The following GRIN2D variants were observed in gnomAD, a reference collection of about 807,000 sequenced individuals.
GRIN2D encodes the protein glutamate ionotropic receptor NMDA type subunit 2D, also known as glutamate receptor ionotropic, NMDA 2D.
GRIN2D carries 37 observed loss-of-function variants against 103.2 expected under a neutral mutation model. That is an observed-to-expected ratio of 0.36 (90% CI 0.28 to 0.47). The LOEUF is 0.47. Ranked by LOEUF, GRIN2D falls within the 20% of genes least tolerant of loss-of-function variation. The pLI, the probability that GRIN2D is intolerant of heterozygous loss-of-function variation, is 1.00. For synonymous variants in GRIN2D, 845 were observed against 885.6 expected, an observed-to-expected ratio of 0.95 and a Z score of 0.81; for missense variants, 1,557 against 1,910.6, an observed-to-expected ratio of 0.81 and a Z score of 3.45.
At chr19:48,425,909 C>T (rs76787232) in intron 11 of GRIN2D, among the ~76,000 whole-genome samples, 2,654 of 152,128 alleles carry the variant, frequency 0.017, 70 homozygotes, top group African/African-American at 0.06. Context: ...TGGTGAATTT[C>T]CCGGCTTCTC....
Position 48,414,163 on chromosome 19 carries a change from C to T in GRIN2D, c.1200+58C>T. On this transcript the variant is annotated intron_variant, in intron 5 of 13. Coordinates refer to ENST00000263269, the MANE Select transcript of GRIN2D (RefSeq NM_000836.4). The surrounding 1 kb of genome is among the most constrained non-coding windows in gnomAD (Gnocchi z 4.6). Reference sequence around the variant, plus strand: ...GAGGGTGTGGACTCCTGCATCCTGGCAGAGGGGGGGCTTGAGGTCGTGGAC... The same window carrying T: ...GAGGGTGTGGACTCCTGCATCCTGGTAGAGGGGGGGCTTGAGGTCGTGGAC... 1 of 1,099,540 alleles carries T rather than the reference C, an allele frequency of 9.1e-7. No individual in the cohort carries two copies. Among genetic ancestry groups the T allele is most frequent in the Non-Finnish European group, 1.4e-6 (1 of 719,828 alleles). 68.1% of individuals were successfully genotyped at this position (1,099,540 alleles called of 1,614,324 possible). A position where few individuals can be genotyped will look rare whatever the true frequency, so the allele number is the denominator to read the frequency against.
chr19:48,412,477 GAA>G (rs1569063275), intron 4 of GRIN2D, among the ~76,000 whole-genome samples: 63 of 149,832 alleles, frequency 4.2e-4, no homozygotes, highest in African/African-American at 1.2e-3. Context: ...AAGAAAGAAA[GAA>G]AGAGAGAGAA....
In GRIN2D at chr19:48,442,762, A is replaced by G; in HGVS notation, c.2836A>G (p.Thr946Ala). The G allele has an allele frequency of 9.3e-7, 1 of 1,075,674 alleles. No individual in the cohort carries two copies. 66.6% of individuals were successfully genotyped at this position (1,075,674 alleles called of 1,614,324 possible). A position where few individuals can be genotyped will look rare whatever the true frequency, so the allele number is the denominator to read the frequency against. ...ERASVDRWRR[T>A]KGAGPPGGAG... ...CGCCTCAGTGGACCGCTGGCGCCGG[A>G]CCAAGGGCGCGGGGCCGCCGGGGGG... The change falls in exon 14 of 14, where the codon ACC becomes GCC. Residue 946 changes from threonine to alanine, a missense_variant. Around this residue, in one of 7 missense-constraint regions of GRIN2D, gnomAD observed 632 missense variants for 572.8 expected, o/e 1.10. Transcript: ENST00000263269. This position sits in a 1 kb window ranked among gnomAD's most constrained non-coding sequence, Gnocchi z 7.2.
At chr19:48,423,114 G>A (rs1971042881) in intron 11 of GRIN2D, among the ~76,000 whole-genome samples, 1 of 152,154 alleles carries the variant, frequency 6.6e-6, no homozygotes, top group Admixed American at 6.6e-5. Flanking sequence ...GGGAGGCTGA[G>A]GCAGGAGGAT....
chr19:48,432,222 CTT>C (rs1006061692), intron 11 of GRIN2D, among the ~76,000 whole-genome samples: 77 of 137,602 alleles, frequency 5.6e-4, no homozygotes, highest in Admixed American at 8.0e-4. Flanking sequence ...CTTTTTCTTT[CTT>C]TTTTTTTTTT....
intron 11 of GRIN2D, among the ~76,000 whole-genome samples, chr19:48,435,296 G>GT (rs766061537): frequency 0.93 from 113,386 of 121,590 alleles, 53,573 homozygotes; most frequent in Non-Finnish European, 0.98. Flanking sequence ...TCAGCCACTT[G>GT]TTTTTTTTTT....
chr19:48,427,478 T>C (rs932175888), intron 11 of GRIN2D, among the ~76,000 whole-genome samples: 219 of 110,488 alleles, frequency 2.0e-3, no homozygotes, highest in Non-Finnish European at 2.5e-3. Flanking sequence ...TTTTCTTTTT[T>C]TTTTTTTTTT....
In GRIN2D at chr19:48,419,960, G is replaced by A. The variant is rs928600971; in HGVS notation, c.2091+146G>A. 7 of 570,926 alleles carry A rather than the reference G, an allele frequency of 1.2e-5. No homozygotes were observed. In the African/African-American group the frequency reaches 1.3e-4, roughly 11 times the overall value. The allele number at this position is 570,926 out of a possible 1,614,324, so 35.4% of individuals were successfully genotyped here. A position where few individuals can be genotyped will look rare whatever the true frequency, so the allele number is the denominator to read the frequency against. On this transcript the variant is annotated intron_variant, in intron 10 of 13. Transcript: ENST00000263269. ...GCGGGAAGGGGTCTCTTCCCAAGGA[G>A]AATTCCAGAATGGTAGAATGGAATG...
chr19:48,425,517 C>T (rs1338921009), intron 11 of GRIN2D, among the ~76,000 whole-genome samples: 1 of 152,222 alleles, frequency 6.6e-6, no homozygotes, highest in Non-Finnish European at 1.5e-5. Flanking sequence ...GCTGGGATTA[C>T]AGGCGTGAGC....
intron 10 of GRIN2D, 80 bp downstream of exon 10, chr19:48,419,894 G>A: frequency 4.7e-6 from 1 of 212,910 alleles, no homozygotes. Flanking sequence ...AGATTAGAGG[G>A]GATTCTTGCG....
In GRIN2D at chr19:48,443,669, C is replaced by T. The variant is rs1335157311; in HGVS notation, c.3743C>T (p.Pro1248Leu). 3 of 1,196,178 alleles carry T rather than the reference C, an allele frequency of 2.5e-6. 1 individual carries two copies. Among genetic ancestry groups the T allele is most frequent in the South Asian group, 6.8e-5 (2 of 29,582 alleles). 74.1% of individuals were successfully genotyped at this position (1,196,178 alleles called of 1,614,324 possible). The change falls in exon 14 of 14, where the codon CCC becomes CTC. Residue 1248 changes from proline (P) to leucine (L), a missense_variant. Coordinates refer to ENST00000263269, the MANE Select transcript of GRIN2D (RefSeq NM_000836.4). This position sits in a 1 kb window ranked among gnomAD's most constrained non-coding sequence, Gnocchi z 8.9. ...CACCGCACGCCCGCCGCCGCCGCGCCCCACCACCACAGGCACCGGCGCGCC... is the reference window on the plus strand; with the variant it reads ...CACCGCACGCCCGCCGCCGCCGCGCTCCACCACCACAGGCACCGGCGCGCC... ...ASHRTPAAAA[P>L]HHHRHRRAAG... is the part of the protein sequence containing the mutation.
At chr19:48,436,688 G>A (rs1296183024) in intron 11 of GRIN2D, among the ~76,000 whole-genome samples, 1 of 152,238 alleles carries the variant, frequency 6.6e-6, no homozygotes, top group Non-Finnish European at 1.5e-5. Flanking sequence ...TTAGAAGCAA[G>A]ATGGAGTCAG....
chr19:48,394,390 C>T lies in GRIN2D; in HGVS notation c.-305-268C>T, dbSNP rs562249116. ...AGCAGGCAATCTCCCGCTCCTCACA[C>T]GCACACACCAGCCACTAGCTTCAGA... On this transcript the variant is annotated intron_variant, in intron 1 of 13. Transcript: ENST00000263269. This position sits in a 1 kb window ranked among gnomAD's most constrained non-coding sequence, Gnocchi z 5.1. 1.5e-4 allele frequency among the ~76,000 whole-genome samples: 22 copies of T among 149,388 alleles called. 1 individual carries two copies. In the South Asian group the frequency reaches 2.5e-3, roughly 17 times the overall value.
Position 48,442,954 on chromosome 19 carries a change from A to G in GRIN2D, c.3028A>G (p.Ile1010Val). 8.8e-7 allele frequency: 1 copy of G among 1,142,412 alleles called. No homozygotes were observed. The highest frequency in any genetic ancestry group is 1.1e-6 in the Non-Finnish European group (1 of 921,482). The allele number at this position is 1,142,412 out of a possible 1,614,324, so 70.8% of individuals were successfully genotyped here. A position where few individuals can be genotyped will look rare whatever the true frequency, so the allele number is the denominator to read the frequency against. ...GAAGCCGCCGCCCTCCTATTTCGCCATCGTACGCGACAAGGAGCCAGCCGA... is the reference window on the plus strand; with the variant it reads ...GAAGCCGCCGCCCTCCTATTTCGCCGTCGTACGCGACAAGGAGCCAGCCGA... ...PQKPPPSYFAIVRDKEPAEPP... is the reference protein window; with the variant it reads ...PQKPPPSYFAVVRDKEPAEPP... The change falls in exon 14 of 14, where the codon ATC (isoleucine) becomes GTC (valine). Residue 1010 changes from isoleucine (I) to valine (V), a missense_variant. By Grantham distance (29) the Ile-to-Val change is conservative (BLOSUM62 3). Around this residue, in one of 7 missense-constraint regions of GRIN2D, gnomAD observed 632 missense variants for 572.8 expected, o/e 1.10. Transcript: ENST00000263269. The surrounding 1 kb of genome is among the most constrained non-coding windows in gnomAD (Gnocchi z 7.2).
chr19:48,436,364 G>A (rs1971230286), intron 11 of GRIN2D, among the ~76,000 whole-genome samples: 1 of 152,118 alleles, frequency 6.6e-6, no homozygotes, highest in Non-Finnish European at 1.5e-5. Context: ...CAGATTACCA[G>A]TCTGGGTGGC....
At chr19:48,402,166 A>AAGAG (rs531796512) in intron 3 of GRIN2D, among the ~76,000 whole-genome samples, 9,746 of 79,598 alleles carry the variant, frequency 0.12, 619 homozygotes, top group African/African-American at 0.21. Flanking sequence ...GAAAGAAAGA[A>AAGAG]AGAGAGAAAA....
Position 48,421,712 on chromosome 19 carries a change from G to C in GRIN2D, c.2092-73G>C. ...GGGGTGTCTGCCAGATAGCGGGTGT[G>C]TCTCAGAATGGGTGATTTATGTTAG... is the stretch of plus-strand genomic sequence containing the variant. On this transcript the variant is annotated intron_variant, in intron 10 of 13. Coordinates refer to ENST00000263269, the MANE Select transcript of GRIN2D (RefSeq NM_000836.4). This position sits in a 1 kb window ranked among gnomAD's most constrained non-coding sequence, Gnocchi z 4.8. The C allele has an allele frequency of 7.8e-7, 1 of 1,286,272 alleles. No homozygotes were observed. The highest frequency in any genetic ancestry group is 1.1e-6 in the Non-Finnish European group (1 of 897,706). The allele number at this position is 1,286,272 out of a possible 1,614,324, so 79.7% of individuals were successfully genotyped here.
At chr19:48,426,224 C>CTTTTTTTTTTTTTTTTTTCTT (rs369360320) in intron 11 of GRIN2D, among the ~76,000 whole-genome samples, 2 of 120,116 alleles carry the variant, frequency 1.7e-5, no homozygotes, top group African/African-American at 3.6e-5. Context: ...TTCTTTCTTT[C>CTTTTTTTTTTTTTTTTTTCTT]TTTTTTTTTT....
Position 48,414,978 on chromosome 19 carries a change from C to A in GRIN2D, c.1527C>A (p.Thr509=). The A allele has an allele frequency of 2.5e-6, 4 of 1,611,602 alleles. No homozygotes were observed. Among genetic ancestry groups the A allele is most frequent in the Non-Finnish European group, 2.5e-6 (3 of 1,178,400 alleles). The change falls in exon 7 of 14, where the codon ACC becomes ACA. Residue 509 remains threonine (T), a synonymous_variant. Transcript: ENST00000263269. The surrounding 1 kb of genome is among the most constrained non-coding windows in gnomAD (Gnocchi z 4.6). The stretch of plus-strand genomic sequence containing the variant: ...TCAGCTACGACCTCTACCTGGTCAC[C>A]AATGGCAAGCACGGAAAGAAGATCG... ...IGFSYDLYLV[T]NGKHGKKIDG...
Sources: gnomAD v4.1 joint callset for allele counts (sites outside exome capture counted in the v4.1 genomes callset) on GRCh38, gnomAD v4.1.1 for gene constraint, gnomAD v4.1.1 regional missense constraint, Gnocchi (gnomAD v3.1) non-coding constraint, MANE v1.5 for transcripts, NCBI Gene and HGNC (gene_info 2026-07-23, HGNC 2026-07-21) for gene names.